ATP11A: variants seen among roughly 807,000 people sequenced by gnomAD.
The protein encoded by ATP11A is phospholipid-transporting ATPase IH.
ATP11A carries 81 observed loss-of-function variants against 154.4 expected under a neutral mutation model. That is an observed-to-expected ratio of 0.52 (90% CI 0.44 to 0.63). The LOEUF (loss-of-function observed/expected upper bound fraction) is 0.63. Among genes scored for constraint, ATP11A ranks in the 30% least tolerant of loss-of-function variants. The pLI is 0.00. For synonymous variants in ATP11A, 623 were observed against 585.9 expected, an observed-to-expected ratio of 1.06 and a Z score of -0.91; for missense variants, 1,316 against 1,474.3, an observed-to-expected ratio of 0.89 and a Z score of 1.76.
intron 1 of ATP11A, among the ~76,000 whole-genome samples, chr13:112,740,991 T>C (rs954008330): frequency 6.6e-6 from 1 of 152,252 alleles, no homozygotes; most frequent in Non-Finnish European, 1.5e-5. Flanking sequence ...TGTGGTTGTC[T>C]GAGAACCAAA....
At chr13:112,790,142 C>T (rs940083517) in intron 2 of ATP11A, among the ~76,000 whole-genome samples, 12 of 139,688 alleles carry the variant, frequency 8.6e-5, no homozygotes, top group Admixed American at 5.9e-4. Context: ...CTGTGGAGAC[C>T]TACTTAATTC....
chr13:112,717,310 C>T (rs1321915202), intron 1 of ATP11A: 6 of 152,144 alleles, frequency 3.9e-5, no homozygotes, highest in Non-Finnish European at 8.8e-5. Context: ...TGTTTTTCTA[C>T]TCTTATTTCA....
At chr13:112,879,262 T>A (rs2080816820) in intron 29 of ATP11A, among the ~76,000 whole-genome samples, 1 of 152,256 alleles carries the variant, frequency 6.6e-6, no homozygotes, top group African/African-American at 2.4e-5. Context: ...TAACATCATC[T>A]TCTATATATT....
At position 112,817,062 on chromosome 13, in the gene ATP11A, C is replaced by A. The variant is rs75258455; in HGVS notation, c.570+851C>A. On this transcript the variant is annotated intron_variant, in intron 6 of 29. Transcript: ENST00000375645. ...CACTCAGTATAAAATTCTGCACAGG[C>A]AGTTGATGCTACAAGAATTTTAATT... 8.7e-4 allele frequency among the ~76,000 whole-genome samples: 132 copies of A among 152,268 alleles called. 2 individuals are homozygous for A. The East Asian group carries it at 0.02, about 23-fold the overall frequency.
intron 1 of ATP11A, among the ~76,000 whole-genome samples, chr13:112,724,548 A>C (rs1015498962): frequency 6.6e-6 from 1 of 151,962 alleles, no homozygotes; most frequent in African/African-American, 2.4e-5. Flanking sequence ...CCAGAGTTTC[A>C]TCAGAGTCTC....
At chr13:112,853,145 A>G (rs958495930) in intron 18 of ATP11A, among the ~76,000 whole-genome samples, 6 of 152,104 alleles carry the variant, frequency 3.9e-5, no homozygotes, top group African/African-American at 1.4e-4. Flanking sequence ...GCTTGAGCCC[A>G]GGAGTTGGAG....
chr13:112,695,695 G>A (rs1168276387), intron 1 of ATP11A, among the ~76,000 whole-genome samples: 4 of 152,150 alleles, frequency 2.6e-5, no homozygotes, highest in Non-Finnish European at 5.9e-5. Context: ...AAAATACATA[G>A]TTGCTTAACT....
chr13:112,722,592 G>T (rs1002468672), intron 1 of ATP11A, among the ~76,000 whole-genome samples: 1 of 152,208 alleles, frequency 6.6e-6, no homozygotes, highest in Non-Finnish European at 1.5e-5. Flanking sequence ...TCCCATCAGG[G>T]CCGGAAGCAG....
chr13:112,810,695 A>G lies in ATP11A; in HGVS notation c.410A>G (p.Lys137Arg), dbSNP rs1376611621. ...CCTGTTCATTTCATTCAGCACGGCAAGCTCGTTCGGAAACAAAGTCGAAAG... is the reference window on the plus strand; with the variant it reads ...CCTGTTCATTTCATTCAGCACGGCAGGCTCGTTCGGAAACAAAGTCGAAAG... ...QCPVHFIQHG[K>R]LVRKQSRKLR... is the part of the protein sequence containing the mutation. The change falls in exon 5 of 30, where the codon AAG (lysine) becomes AGG (arginine). Residue 137 changes from lysine to arginine, a missense_variant. By Grantham distance (26) the Lys-to-Arg change is conservative. Coordinates refer to ENST00000375645, the MANE Select transcript of ATP11A (RefSeq NM_015205.3). 1 of 1,614,078 alleles carries G rather than the reference A, an allele frequency of 6.2e-7. No individual in the cohort carries two copies. The highest frequency in any genetic ancestry group is 8.5e-7 in the Non-Finnish European group (1 of 1,180,046).
chr13:112,794,327 T>C (rs1400326249), intron 2 of ATP11A, among the ~76,000 whole-genome samples: 1 of 152,230 alleles, frequency 6.6e-6, no homozygotes, highest in African/African-American at 2.4e-5. Flanking sequence ...TTGTCAGCCT[T>C]CCCACTCTAA....
At chr13:112,780,239 T>C (rs1240677217) in intron 1 of ATP11A, among the ~76,000 whole-genome samples, 1 of 152,102 alleles carries the variant, frequency 6.6e-6, no homozygotes, top group Admixed American at 6.5e-5. Context: ...ATATTCAAAG[T>C]CGTGCACCCA....
intron 1 of ATP11A, among the ~76,000 whole-genome samples, chr13:112,731,465 A>C (rs1422191836): frequency 6.6e-6 from 1 of 152,204 alleles, no homozygotes; most frequent in African/African-American, 2.4e-5. Context: ...CCCAAGTCTC[A>C]TTCCAGCCAG....
At chr13:112,715,803 G>A (rs558906745) in intron 1 of ATP11A, among the ~76,000 whole-genome samples, 6 of 151,890 alleles carry the variant, frequency 4.0e-5, no homozygotes, top group Non-Finnish European at 8.8e-5. Context: ...ATTCCCAAGT[G>A]GCTTGGGCTT....
rs546400780 is a variant in ATP11A, at chr13:112,733,350, G to A, written c.39+42895G>A. 5.3e-5 allele frequency among the ~76,000 whole-genome samples: 8 copies of A among 152,310 alleles called. 1 individual carries two copies. In the South Asian group the frequency reaches 1.5e-3, roughly 28 times the overall value. On this transcript the variant is annotated intron_variant, in intron 1 of 29. Coordinates refer to ENST00000375645, the MANE Select transcript of ATP11A (RefSeq NM_015205.3). ...ATCCTGCTGTGCAGATGCAGGATCC[G>A]CAGTGGGGACAGGATGGATAGGACT...
In ATP11A at chr13:112,785,025, A is replaced by T; in HGVS notation, c.40-110A>T. ...TGCAGCCCTGAACGATGCTCTCAGC[A>T]GCAGGTACAGGTCTCCGTTCCGACG... On this transcript the variant is annotated intron_variant, in intron 1 of 29. Coordinates refer to ENST00000375645, the MANE Select transcript of ATP11A (RefSeq NM_015205.3). This position sits in a 1 kb window ranked among gnomAD's most constrained non-coding sequence, Gnocchi z 4.8. 7.7e-7 allele frequency: 1 copy of T among 1,293,980 alleles called. No homozygotes were observed. Among genetic ancestry groups the T allele is most frequent in the South Asian group, 2.2e-5 (1 of 45,420 alleles). 80.2% of individuals were successfully genotyped at this position (1,293,980 alleles called of 1,614,324 possible).
intron 1 of ATP11A, among the ~76,000 whole-genome samples, chr13:112,749,133 G>A (rs1255645674): frequency 6.6e-6 from 1 of 152,244 alleles, no homozygotes; most frequent in Non-Finnish European, 1.5e-5. Flanking sequence ...ACAGCATGAG[G>A]CTGTCTGCTC....
chr13:112,756,354 T>A (rs2076833218), intron 1 of ATP11A, among the ~76,000 whole-genome samples: 1 of 152,154 alleles, frequency 6.6e-6, no homozygotes, highest in South Asian at 2.1e-4. Flanking sequence ...TGGCAGTTCT[T>A]TCTCTCTAGA....
intron 1 of ATP11A, among the ~76,000 whole-genome samples, chr13:112,724,813 G>A (rs191052010): frequency 2.9e-4 from 44 of 152,268 alleles, no homozygotes; most frequent in Admixed American, 2.2e-3. Flanking sequence ...AATTCCAAGG[G>A]TCCTGAAGCA....
At chr13:112,841,233 G>A (rs941701385) in intron 16 of ATP11A, among the ~76,000 whole-genome samples, 2 of 147,912 alleles carry the variant, frequency 1.4e-5, no homozygotes, top group Non-Finnish European at 3.0e-5. Context: ...GCGGACCACG[G>A]ATGCTTCAGG....
Sources: gnomAD v4.1 joint callset for allele counts (sites outside exome capture counted in the v4.1 genomes callset) on GRCh38, gnomAD v4.1.1 for gene constraint, Gnocchi (gnomAD v3.1) non-coding constraint, MANE v1.5 for transcripts, NCBI Gene and HGNC (gene_info 2026-07-23, HGNC 2026-07-21) for gene names.